NREP: variants seen among roughly 807,000 people sequenced by gnomAD.
NREP encodes neuronal regeneration related protein, also known as neuronal regeneration-related protein.
In NREP, 5 loss-of-function variants were observed where a neutral mutation model predicts 8.6. That is an observed-to-expected ratio of 0.58 (90% CI 0.30 to 1.22). The LOEUF is 1.22. Among genes scored for constraint, NREP ranks in the 50% most tolerant of loss-of-function variants. The pLI, the probability that NREP is intolerant of heterozygous loss-of-function variation, is 0.07. For missense variants in NREP, 86 were observed against 82.5 expected (o/e 1.04, Z -0.17); for synonymous variants, 27 against 28.0 (o/e 0.96, Z 0.11).
chr5:111,900,749 A>G (rs1222778120), intron 2 of NREP, among the ~76,000 whole-genome samples: 1 of 152,060 alleles, frequency 6.6e-6, no homozygotes, highest in African/African-American at 2.4e-5. Context: ...ATGAATAATG[A>G]GATGGAAACA....
Position 111,730,868 on chromosome 5 carries a change from A to G in NREP, c.*53T>C. Reference sequence around the variant, plus strand: ...AGAAAAAAATCCCATATATGATACCATGACCTCATCAATACCCATACACCA... The same window carrying G: ...AGAAAAAAATCCCATATATGATACCGTGACCTCATCAATACCCATACACCA... On this transcript the variant is annotated 3_prime_UTR_variant, in exon 4 of 4. Coordinates refer to ENST00000257435, the MANE Select transcript of NREP (RefSeq NM_004772.4). 3 of 1,595,706 alleles carry G rather than the reference A, an allele frequency of 1.9e-6. No individual in the cohort carries two copies. The highest frequency in any genetic ancestry group is 2.6e-6 in the Non-Finnish European group (3 of 1,165,954).
intron 2 of NREP, among the ~76,000 whole-genome samples, chr5:111,908,133 A>T (rs1041513516): frequency 1.3e-5 from 2 of 151,364 alleles, no homozygotes; most frequent in African/African-American, 4.9e-5. Context: ...TGTTTGAACC[A>T]ATATTTTCTT....
intron 2 of NREP, among the ~76,000 whole-genome samples, chr5:111,901,404 C>G (rs1754643182): frequency 6.6e-6 from 1 of 152,106 alleles, no homozygotes; most frequent in Non-Finnish European, 1.5e-5. Flanking sequence ...AACCTTTCCT[C>G]TAAGAACTGG....
intron 2 of NREP, among the ~76,000 whole-genome samples, chr5:111,897,392 A>C (rs1322005008): frequency 6.6e-6 from 1 of 152,164 alleles, no homozygotes; most frequent in African/African-American, 2.4e-5. Flanking sequence ...TGTGATGCCA[A>C]ATGTTAACGG....
intron 2 of NREP, among the ~76,000 whole-genome samples, chr5:111,895,450 G>C (rs562070912): frequency 2.0e-5 from 3 of 152,240 alleles, no homozygotes; most frequent in African/African-American, 7.2e-5. Context: ...AGATATTTCA[G>C]TGCCATGGAA....
At chr5:111,915,081 G>C (rs1018923137) in intron 2 of NREP, among the ~76,000 whole-genome samples, 7 of 152,028 alleles carry the variant, frequency 4.6e-5, no homozygotes, top group African/African-American at 1.7e-4. Context: ...TTGTTTCCTT[G>C]TGCTATTGCT....
chr5:111,975,161 G>A (rs1756926536), intron 2 of NREP: 15 of 714,676 alleles, frequency 2.1e-5, no homozygotes, highest in African/African-American at 8.8e-5. Context: ...CTTTCACGGG[G>A]CAATGGTGGG....
rs142776859 is a variant in NREP at position 111,866,545 on chromosome 5, T to C, written c.135+108729A>G. 5.3e-3 allele frequency among the ~76,000 whole-genome samples: 811 copies of C among 152,274 alleles called. 5 individuals are homozygous for C. The highest frequency in any genetic ancestry group is 0.018 in the African/African-American group (751 of 41,544). ...GAAAGAGGAACACTTACACTGTTGGTGGGACTGTAAACTAGTTCAACCATT... is the reference window on the plus strand; with the variant it reads ...GAAAGAGGAACACTTACACTGTTGGCGGGACTGTAAACTAGTTCAACCATT... On this transcript the variant is annotated intron_variant, in intron 2 of 3. Transcript: ENST00000395634.
At chr5:111,801,365 C>T (rs1220241164) in intron 2 of NREP, among the ~76,000 whole-genome samples, 4 of 152,128 alleles carry the variant, frequency 2.6e-5, no homozygotes, top group African/African-American at 9.7e-5. Context: ...CCAACACCTG[C>T]TTTAAATTCG....
chr5:111,843,438 A>G (rs1452590354), intron 2 of NREP, among the ~76,000 whole-genome samples: 1 of 151,688 alleles, frequency 6.6e-6, no homozygotes, highest in Non-Finnish European at 1.5e-5. Flanking sequence ...TGTTTAAATT[A>G]TTTGTTTTCC....
chr5:111,756,229 C>A, intron 1 of NREP: 4 of 988,600 alleles, frequency 4.0e-6, no homozygotes, highest in Non-Finnish European at 4.8e-6. Context: ...AGCCTTCCAC[C>A]GTGTAGTGTA....
chr5:111,737,934 T>C (rs1749292646), intron 2 of NREP, among the ~76,000 whole-genome samples: 1 of 152,174 alleles, frequency 6.6e-6, no homozygotes, highest in Non-Finnish European at 1.5e-5. Context: ...AATCATTGTA[T>C]ACTTTTAGAA....
At chr5:111,798,373 A>AT in intron 2 of NREP, among the ~76,000 whole-genome samples, 1 of 151,958 alleles carries the variant, frequency 6.6e-6, no homozygotes, top group East Asian at 1.9e-4. Context: ...ATTAGTTTTT[A>AT]TTTTTTTATT....
At chr5:111,889,742 A>T (rs991401328) in intron 2 of NREP, among the ~76,000 whole-genome samples, 11 of 152,176 alleles carry the variant, frequency 7.2e-5, no homozygotes, top group African/African-American at 2.7e-4. Context: ...TGAGCAACAC[A>T]GCTGTTTATT....
At chr5:111,805,148 G>A (rs1329675287) in intron 2 of NREP, among the ~76,000 whole-genome samples, 1 of 152,198 alleles carries the variant, frequency 6.6e-6, no homozygotes, top group Non-Finnish European at 1.5e-5. Context: ...CTTCAACTGA[G>A]ATACAATTTT....
In NREP at chr5:111,905,082, C is replaced by T. The variant is rs537648505; in HGVS notation, c.135+70192G>A. Among the ~76,000 whole-genome samples the T allele has an allele frequency of 2.0e-5, 3 of 152,188 alleles. No homozygotes were observed. The East Asian group carries it at 5.8e-4, about 29-fold the overall frequency. ...ATATCAGGTAATCACTCTGTAAATT[C>T]CCTTATGCACACCAATAAATTTGTA... On this transcript the variant is annotated intron_variant, in intron 2 of 3. Transcript: ENST00000395634.
chr5:111,955,729 A>G (rs1163732113), intron 2 of NREP, among the ~76,000 whole-genome samples: 1 of 152,096 alleles, frequency 6.6e-6, no homozygotes, highest in African/African-American at 2.4e-5. Context: ...AGCTTGAAAG[A>G]AAAGAATAAT....
chr5:111,800,223 C>A (rs11745043), intron 2 of NREP, among the ~76,000 whole-genome samples: 1 of 152,038 alleles, frequency 6.6e-6, no homozygotes. Context: ...CCACCACACA[C>A]GGTTTGAAAT....
intron 2 of NREP, among the ~76,000 whole-genome samples, chr5:111,906,976 C>T (rs1366918204): frequency 6.6e-6 from 1 of 151,994 alleles, no homozygotes; most frequent in Non-Finnish European, 1.5e-5. Flanking sequence ...GTGTTGTTGT[C>T]CAGACAGGGT....
Sources: gnomAD v4.1 joint callset for allele counts (sites outside exome capture counted in the v4.1 genomes callset) on GRCh38, gnomAD v4.1.1 for gene constraint, MANE v1.5 for transcripts, NCBI Gene and HGNC (gene_info 2026-07-23, HGNC 2026-07-21) for gene names.